The following CCNY variants were observed in gnomAD, a reference collection of about 807,000 sequenced individuals.
The protein encoded by CCNY is cyclin-Y.
Under a neutral mutation model 42.8 loss-of-function variants are expected in CCNY, and 19 were observed. The observed-to-expected ratio is 0.44, with a 90% CI of 0.31 to 0.65. The LOEUF (loss-of-function observed/expected upper bound fraction) is 0.65, where lower values mean the gene tolerates loss of function less well. Among genes scored for constraint, CCNY ranks in the 30% least tolerant of loss-of-function variants. The probability of loss-of-function intolerance (pLI) is 0.07; values close to 1 mark genes in which losing one functional copy is unlikely to be tolerated. For missense variants in CCNY, 370 were observed against 437.3 expected, an observed-to-expected ratio of 0.85 and a Z score of 1.37; for synonymous variants, 165 against 162.7, an observed-to-expected ratio of 1.01 and a Z score of -0.11.
intron 3 of CCNY, among the ~76,000 whole-genome samples, chr10:35,264,927 C>T (rs151128098): frequency 3.3e-5 from 5 of 151,946 alleles, no homozygotes; most frequent in Admixed American, 1.3e-4. Flanking sequence ...CCGCGCCCGG[C>T]CTTTTGCCCA....
chr10:35,567,609 G>A (rs1841598204), intron 9 of CCNY, among the ~76,000 whole-genome samples: 1 of 152,230 alleles, frequency 6.6e-6, no homozygotes, highest in African/African-American at 2.4e-5. Context: ...GTCACTCAGT[G>A]CAGAGTTGGT....
At chr10:35,429,076 T>C (rs1838329907) in intron 1 of CCNY, among the ~76,000 whole-genome samples, 1 of 152,264 alleles carries the variant, frequency 6.6e-6, no homozygotes, top group African/African-American at 2.4e-5. Context: ...TCTAGTCACC[T>C]TCTACCAGAA....
chr10:35,338,543 T>G (rs981802474), intron 1 of CCNY, among the ~76,000 whole-genome samples: 2 of 152,232 alleles, frequency 1.3e-5, no homozygotes, highest in African/African-American at 4.8e-5. Context: ...TCTAGAAGGA[T>G]GAAGGCCAGA....
rs1837688432 is a variant in CCNY at position 35,403,452 on chromosome 10, A to C, written c.154+66245A>C. On this transcript the variant is annotated intron_variant, in intron 1 of 9. Coordinates refer to ENST00000374704, the MANE Select transcript of CCNY (RefSeq NM_145012.6). ...GAGAAAAACTGGCCGTGAGGGACAGAAGTTGGAATTCTGCCTGCTTCTTTA... is the reference window on the plus strand; with the variant it reads ...GAGAAAAACTGGCCGTGAGGGACAGCAGTTGGAATTCTGCCTGCTTCTTTA... Among the ~76,000 whole-genome samples the C allele has an allele frequency of 1.3e-5, 2 of 150,836 alleles. 1 individual carries two copies. The highest frequency in any genetic ancestry group is 4.1e-4 in the South Asian group (2 of 4,830).
chr10:35,497,673 G>A lies in CCNY; in HGVS notation c.230-3828G>A, dbSNP rs185764003. On this transcript the variant is annotated intron_variant, in intron 2 of 9. Coordinates refer to ENST00000374704, the MANE Select transcript of CCNY (RefSeq NM_145012.6). ...GAGAATTGCTTGAACCTGGGAGGTG[G>A]AGTGAGTCAGCTCACTTCCCTCCAG... Among the ~76,000 whole-genome samples, 182 of 148,494 alleles carry A rather than the reference G, an allele frequency of 1.2e-3. 2 individuals carry two copies. In the Middle Eastern group the frequency reaches 0.034, roughly 27 times the overall value.
intron 1 of CCNY, among the ~76,000 whole-genome samples, chr10:35,473,699 A>T (rs1045916734): frequency 6.6e-6 from 1 of 152,126 alleles, no homozygotes; most frequent in Non-Finnish European, 1.5e-5. Flanking sequence ...TTTGTCTATA[A>T]TCTCTAATTT....
Position 35,285,378 on chromosome 10 carries a change from G to A in CCNY, c.-9+34752G>A, listed in dbSNP as rs1022870778. On this transcript the variant is annotated intron_variant, in intron 3 of 11. Transcript: ENST00000374706. ...TCATTGTGTTTGAACTGAGTTTCTC[G>A]TAGACAGCATGTATTTGGTTCATTT... Among the ~76,000 whole-genome samples the A allele has an allele frequency of 4.6e-5, 7 of 151,994 alleles. No homozygotes were observed. The East Asian group carries it at 1.2e-3, about 25-fold the overall frequency.
intron 3 of CCNY, among the ~76,000 whole-genome samples, chr10:35,330,792 G>T (rs1835933929): frequency 6.7e-6 from 1 of 149,294 alleles, no homozygotes. Context: ...GCTCGCTCCT[G>T]TCGTGCAGGC....
intron 1 of CCNY, among the ~76,000 whole-genome samples, chr10:35,371,888 A>C (rs1394657603): frequency 6.6e-6 from 1 of 152,232 alleles, no homozygotes; most frequent in African/African-American, 2.4e-5. Context: ...ATGAAGACTG[A>C]GCAAGTTTCA....
chr10:35,554,819 G>A (rs769838487), intron 8 of CCNY, among the ~76,000 whole-genome samples: 14 of 152,142 alleles, frequency 9.2e-5, no homozygotes, highest in Non-Finnish European at 1.3e-4. Flanking sequence ...GGAAGTGAGA[G>A]ACAAATGCAA....
chr10:35,353,346 A>T (rs1461383292), intron 1 of CCNY, among the ~76,000 whole-genome samples: 1 of 152,212 alleles, frequency 6.6e-6, no homozygotes, highest in East Asian at 1.9e-4. Context: ...AGATTTCACA[A>T]TGATGGATGT....
At chr10:35,356,374 G>C (rs371965887) in intron 1 of CCNY, among the ~76,000 whole-genome samples, 1 of 152,172 alleles carries the variant, frequency 6.6e-6, no homozygotes, top group Admixed American at 6.5e-5. Context: ...GTCAAAATCC[G>C]ATTTTAAAAG....
intron 1 of CCNY, among the ~76,000 whole-genome samples, chr10:35,472,329 T>C (rs1327593593): frequency 1.3e-5 from 2 of 152,242 alleles, no homozygotes; most frequent in Non-Finnish European, 2.9e-5. Context: ...AATGTGTAAT[T>C]CTTTTTCTAC....
At chr10:35,567,526 A>G (rs1841596600) in intron 9 of CCNY, among the ~76,000 whole-genome samples, 1 of 152,104 alleles carries the variant, frequency 6.6e-6, no homozygotes, top group Non-Finnish European at 1.5e-5. Context: ...CGAGTGGTGG[A>G]TGGCACTGTC....
intron 3 of CCNY, among the ~76,000 whole-genome samples, chr10:35,282,842 G>A (rs1835313558): frequency 6.6e-6 from 1 of 152,076 alleles, no homozygotes; most frequent in African/African-American, 2.4e-5. Flanking sequence ...AGGCTGTTAG[G>A]ACATATAAAT....
intron 3 of CCNY, among the ~76,000 whole-genome samples, chr10:35,275,482 G>A (rs1471643427): frequency 3.3e-5 from 5 of 150,938 alleles, no homozygotes; most frequent in Admixed American, 6.6e-5. Flanking sequence ...GTGTCCAGTC[G>A]GCTGGGCGCG....
At chr10:35,389,132 T>C (rs1443670955) in intron 1 of CCNY, among the ~76,000 whole-genome samples, 1 of 152,218 alleles carries the variant, frequency 6.6e-6, no homozygotes, top group Non-Finnish European at 1.5e-5. Flanking sequence ...TTGGGGACGT[T>C]ATTCTGCCTA....
intron 5 of CCNY, 114 bp downstream of exon 5, chr10:35,526,113 T>G (rs959053866): frequency 7.9e-6 from 7 of 885,900 alleles, no homozygotes; most frequent in Non-Finnish European, 1.2e-5. Context: ...TAACTCATAT[T>G]TTCATAGAAT....
chr10:35,555,261 T>C (rs1350784716), intron 8 of CCNY, among the ~76,000 whole-genome samples: 3 of 152,222 alleles, frequency 2.0e-5, no homozygotes, highest in Non-Finnish European at 4.4e-5. Context: ...CCATTCATTA[T>C]ACAGTAGTCA....
Sources: allele counts gnomAD v4.1 joint callset (sites outside exome capture counted in the v4.1 genomes callset), GRCh38; gene constraint gnomAD v4.1.1; transcripts MANE v1.5; gene names NCBI Gene and HGNC (gene_info 2026-07-23, HGNC 2026-07-21).